The following CCDC178 variants were observed in gnomAD, a reference collection of about 807,000 sequenced individuals.
CCDC178 encodes the protein coiled-coil domain containing 178.
A neutral mutation model predicts 117.4 loss-of-function variants in CCDC178; 126 were observed. The ratio of observed to expected loss-of-function variants is 1.07; its 90% CI spans 0.93 to 1.24. CCDC178 has a LOEUF of 1.24. CCDC178 is among the 50% of genes most tolerant of loss of function. The probability of loss-of-function intolerance (pLI) is 0.00; values close to 1 mark genes in which losing one functional copy is unlikely to be tolerated. For missense variants in CCDC178, 1,030 were observed against 986.9 expected, an observed-to-expected ratio of 1.04 and a Z score of -0.59; for synonymous variants, 283 against 313.4, an observed-to-expected ratio of 0.90 and a Z score of 1.02.
chr18:33,253,950 C>T (rs549397690), intron 14 of CCDC178, among the ~76,000 whole-genome samples: 4 of 151,848 alleles, frequency 2.6e-5, no homozygotes, highest in South Asian at 2.1e-4. Context: ...CTTACCTGCA[C>T]TGAATAACAT....
chr18:33,009,103 T>C (rs1340816269), intron 21 of CCDC178, among the ~76,000 whole-genome samples: 1 of 152,120 alleles, frequency 6.6e-6, no homozygotes, highest in Non-Finnish European at 1.5e-5. Context: ...GAAGATCCTA[T>C]TGGTGCTATC....
chr18:33,022,592 C>T (rs1309366949), intron 21 of CCDC178, among the ~76,000 whole-genome samples: 1 of 152,034 alleles, frequency 6.6e-6, no homozygotes, highest in Non-Finnish European at 1.5e-5. Flanking sequence ...AGATTCACTA[C>T]AATACAATAT....
At chr18:33,093,849 A>T (rs1385010746) in intron 20 of CCDC178, among the ~76,000 whole-genome samples, 1 of 152,048 alleles carries the variant, frequency 6.6e-6, no homozygotes, top group Admixed American at 6.6e-5. Context: ...ATAGCAAAAT[A>T]AGTTGTCAAA....
chr18:33,197,913 A>G (rs2058950428), intron 20 of CCDC178, among the ~76,000 whole-genome samples: 1 of 152,234 alleles, frequency 6.6e-6, no homozygotes, highest in Non-Finnish European at 1.5e-5. Flanking sequence ...GAAAATGAAC[A>G]TGACACTGTA....
At chr18:33,183,720 C>T (rs1195273718) in intron 20 of CCDC178, among the ~76,000 whole-genome samples, 8 of 151,856 alleles carry the variant, frequency 5.3e-5, no homozygotes, top group Non-Finnish European at 1.0e-4. Flanking sequence ...CAGCTCTGCT[C>T]CCCCCACACA....
At chr18:33,389,672 T>C (rs2063541313) in intron 4 of CCDC178, 43 bp from the exon 5 acceptor site, 4 of 1,023,494 alleles carry the variant, frequency 3.9e-6, no homozygotes, top group Non-Finnish European at 5.5e-6. Context: ...GTAGTTAATA[T>C]TATAGAAAAT....
intron 15 of CCDC178, among the ~76,000 whole-genome samples, chr18:33,234,724 A>G (rs1386496096): frequency 6.6e-6 from 1 of 152,166 alleles, no homozygotes; most frequent in African/African-American, 2.4e-5. Flanking sequence ...GGTCAATCTT[A>G]GCCATTACTT....
chr18:32,938,028 A>C lies in CCDC178; in HGVS notation c.2587T>G (p.Cys863Gly). The C allele has an allele frequency of 6.2e-7, 1 of 1,613,430 alleles. No homozygotes were observed. The highest frequency in any genetic ancestry group is 8.5e-7 in the Non-Finnish European group (1 of 1,179,368). The change falls in exon 23 of 23, where the codon TGC becomes GGC. Residue 863 changes from cysteine (C) to glycine (G), a missense_variant. Cys to Gly is a radical substitution (Grantham distance 159). Transcript: ENST00000383096. ...TTGTTTGCTTAACCATCGTTTTCGCATGTGCCATCTGTCAAAGTCTGGAAG... is the reference window on the plus strand; with the variant it reads ...TTGTTTGCTTAACCATCGTTTTCGCCTGTGCCATCTGTCAAAGTCTGGAAG... ...GFFQTLTDGT[C>G]ENDG is the part of the protein sequence containing the mutation.
chr18:33,283,015 C>G (rs2144832250), intron 12 of CCDC178, among the ~76,000 whole-genome samples: 1 of 152,286 alleles, frequency 6.6e-6, no homozygotes, highest in South Asian at 2.1e-4. Context: ...CCTCCTTCTC[C>G]CACCCTCCAA....
At chr18:33,420,290 G>T (rs1158734056) in intron 2 of CCDC178, among the ~76,000 whole-genome samples, 1 of 152,150 alleles carries the variant, frequency 6.6e-6, no homozygotes. Flanking sequence ...TGAGGGTGGG[G>T]TGAGGGAGGA....
At chr18:33,177,929 C>T (rs2058682622) in intron 20 of CCDC178, among the ~76,000 whole-genome samples, 2 of 152,104 alleles carry the variant, frequency 1.3e-5, no homozygotes. Context: ...TGTTCATGCT[C>T]ATGAAATTCT....
At chr18:33,425,539 G>C (rs1247499595) in intron 2 of CCDC178, among the ~76,000 whole-genome samples, 1 of 152,142 alleles carries the variant, frequency 6.6e-6, no homozygotes, top group Non-Finnish European at 1.5e-5. Flanking sequence ...TAAAGCTTCA[G>C]CCACCAAAGA....
At chr18:33,127,434 TTTTG>T (rs1219856339) in intron 20 of CCDC178, among the ~76,000 whole-genome samples, 3 of 152,084 alleles carry the variant, frequency 2.0e-5, no homozygotes, top group Admixed American at 6.6e-5. Flanking sequence ...TGATCAGTTT[TTTTG>T]TTTGTTTGTT....
chr18:33,322,845 T>G (rs2062531469), intron 11 of CCDC178, among the ~76,000 whole-genome samples: 1 of 151,404 alleles, frequency 6.6e-6, no homozygotes, highest in Non-Finnish European at 1.5e-5. Flanking sequence ...TATATGTATA[T>G]GACTGTAACT....
At chr18:32,997,366 A>C (rs897122275) in intron 21 of CCDC178, among the ~76,000 whole-genome samples, 1 of 152,184 alleles carries the variant, frequency 6.6e-6, no homozygotes, top group African/African-American at 2.4e-5. Flanking sequence ...GTTGGGCCTC[A>C]TCCAATCAAT....
chr18:32,951,582 A>T (rs918135746), intron 22 of CCDC178, among the ~76,000 whole-genome samples: 2 of 152,322 alleles, frequency 1.3e-5, no homozygotes, highest in East Asian at 1.9e-4. Context: ...ACACATGAAG[A>T]CTATAGGACT....
At chr18:32,979,107 G>A (rs528927582) in intron 21 of CCDC178, among the ~76,000 whole-genome samples, 87 of 151,560 alleles carry the variant, frequency 5.7e-4, no homozygotes, top group African/African-American at 2.0e-3. Flanking sequence ...AACAAATGGA[G>A]GTGATGAGGG....
At chr18:33,061,767 G>A (rs2056924933) in intron 21 of CCDC178, among the ~76,000 whole-genome samples, 1 of 152,094 alleles carries the variant, frequency 6.6e-6, no homozygotes, top group African/African-American at 2.4e-5. Context: ...ATAAATGATA[G>A]ATTTATCAAT....
chr18:33,136,278 A>T (rs1421866237), intron 20 of CCDC178, among the ~76,000 whole-genome samples: 1 of 152,132 alleles, frequency 6.6e-6, no homozygotes, highest in African/African-American at 2.4e-5. Context: ...ACCTTGAAAA[A>T]CTACTACAAG....
Sources: gnomAD v4.1 joint callset for allele counts (sites outside exome capture counted in the v4.1 genomes callset) on GRCh38, gnomAD v4.1.1 for gene constraint, MANE v1.5 for transcripts, NCBI Gene and HGNC (gene_info 2026-07-23, HGNC 2026-07-21) for gene names.